Variants in OMA1 observed in about 807,000 individuals in gnomAD.
The protein encoded by OMA1 is OMA1 zinc metallopeptidase.
Under a neutral mutation model 30.9 loss-of-function variants are expected in OMA1, and 38 were observed. The ratio of observed to expected loss-of-function variants is 1.23; its 90% CI spans 0.95 to 1.61. The LOEUF (loss-of-function observed/expected upper bound fraction) is 1.61, where lower values mean the gene tolerates loss of function less well. OMA1 is among the 40% of genes most tolerant of loss of function. The probability of loss-of-function intolerance (pLI) is 0.00; values close to 1 mark genes in which losing one functional copy is unlikely to be tolerated. For missense variants in OMA1, 461 were observed against 349.2 expected, an observed-to-expected ratio of 1.32 and a Z score of -2.55; for synonymous variants, 173 against 121.9, an observed-to-expected ratio of 1.42 and a Z score of -2.76.
intron 8 of OMA1, among the ~76,000 whole-genome samples, chr1:58,504,922 T>C (rs1488478388): frequency 6.6e-6 from 1 of 152,182 alleles, no homozygotes; most frequent in Non-Finnish European, 1.5e-5. Context: ...TACTCCGTAT[T>C]TGTTGGGCTG....
chr1:58,482,497 G>A (rs1473886361), intron 8 of OMA1, among the ~76,000 whole-genome samples: 5 of 151,844 alleles, frequency 3.3e-5, no homozygotes, highest in African/African-American at 1.2e-4. Flanking sequence ...TTAATATTTA[G>A]GAGTTTTAAA....
At chr1:58,543,049 T>C (rs1243818493) in intron 1 of OMA1, among the ~76,000 whole-genome samples, 1 of 151,806 alleles carries the variant, frequency 6.6e-6, no homozygotes, top group Non-Finnish European at 1.5e-5. Context: ...AGACAGAAGA[T>C]AAGTGAGAGA....
In OMA1 at chr1:58,536,704, T is replaced by G. The variant is rs1225861694; in HGVS notation, c.538A>C (p.Lys180Gln). 1 of 872,644 alleles carries G rather than the reference T, an allele frequency of 1.1e-6. No homozygotes were observed. The highest frequency in any genetic ancestry group is 2.0e-6 in the Non-Finnish European group (1 of 501,576). 54.1% of individuals were successfully genotyped at this position (872,644 alleles called of 1,614,324 possible). A position where few individuals can be genotyped will look rare whatever the true frequency, so the allele number is the denominator to read the frequency against. Residue 180 changes from lysine (K) to glutamine (Q), a missense_variant, in exon 3 of 9, where the codon AAG (lysine) becomes CAG (glutamine). Coordinates refer to ENST00000371226, the MANE Select transcript of OMA1 (RefSeq NM_145243.5). The stretch of plus-strand genomic sequence containing the variant: ...ATATTTTCTTTAACTACTTCCTTCT[T>G]GTTAGGAGGAAGTGCCTGCCACCAT... ...RKWWQALPPN[K>Q]KEVVKENIRK...
chr1:58,493,866 C>A (rs1247950067), intron 8 of OMA1, among the ~76,000 whole-genome samples: 1 of 151,450 alleles, frequency 6.6e-6, no homozygotes, highest in African/African-American at 2.4e-5. Context: ...AGATTCAATG[C>A]CATCCCCATC....
intron 8 of OMA1, among the ~76,000 whole-genome samples, chr1:58,503,305 C>T (rs1645937117): frequency 1.3e-5 from 2 of 152,176 alleles, no homozygotes. Flanking sequence ...AAAGGACCCT[C>T]TTATAGTCAG....
At chr1:58,518,545 G>A (rs1048441709) in intron 7 of OMA1, among the ~76,000 whole-genome samples, 2 of 151,662 alleles carry the variant, frequency 1.3e-5, no homozygotes, top group Admixed American at 6.6e-5. Context: ...CTGGAGATGG[G>A]AACATACTGA....
At chr1:58,533,849 C>CT in intron 5 of OMA1, 104 bp downstream of exon 5, 1 of 738,060 alleles carries the variant, frequency 1.4e-6, no homozygotes, top group South Asian at 1.5e-5. Flanking sequence ...AACTAAAAGT[C>CT]TATCATTTTT....
intron 8 of OMA1, among the ~76,000 whole-genome samples, chr1:58,487,765 A>G (rs930540610): frequency 3.3e-5 from 5 of 152,164 alleles, no homozygotes; most frequent in African/African-American, 1.2e-4. Flanking sequence ...TCCTAGCTGC[A>G]TCCACTCTAG....
At chr1:58,504,627 A>G (rs1645957849) in intron 8 of OMA1, among the ~76,000 whole-genome samples, 1 of 152,180 alleles carries the variant, frequency 6.6e-6, no homozygotes, top group South Asian at 2.1e-4. Flanking sequence ...TTCCTTGCTC[A>G]TTCCCCAGCA....
intron 1 of OMA1, among the ~76,000 whole-genome samples, chr1:58,545,563 C>G (rs1460846281): frequency 6.6e-6 from 1 of 151,858 alleles, no homozygotes; most frequent in Non-Finnish European, 1.5e-5. Context: ...GGCAGGTCAA[C>G]AAACATAGCT....
intron 7 of OMA1, among the ~76,000 whole-genome samples, chr1:58,513,915 C>A (rs1281649092): frequency 2.0e-5 from 3 of 152,174 alleles, no homozygotes; most frequent in Non-Finnish European, 2.9e-5. Context: ...ATAATTTGAA[C>A]ACAAGTAGTC....
chr1:58,544,311 C>G (rs977196522), intron 1 of OMA1, among the ~76,000 whole-genome samples: 3 of 152,016 alleles, frequency 2.0e-5, no homozygotes, highest in Non-Finnish European at 4.4e-5. Flanking sequence ...AAATGCTAGG[C>G]ACCATAATGG....
intron 8 of OMA1, among the ~76,000 whole-genome samples, chr1:58,492,150 G>A (rs1397332292): frequency 6.6e-6 from 1 of 152,146 alleles, no homozygotes; most frequent in Non-Finnish European, 1.5e-5. Flanking sequence ...TGAACAACAT[G>A]CTCCTGAATG....
chr1:58,490,421 T>A (rs912196826), intron 8 of OMA1, among the ~76,000 whole-genome samples: 1 of 152,170 alleles, frequency 6.6e-6, no homozygotes, highest in South Asian at 2.1e-4. Flanking sequence ...GAACAAAGCC[T>A]CCAAGAAATA....
intron 8 of OMA1, among the ~76,000 whole-genome samples, chr1:58,496,496 T>C (rs186882964): frequency 6.6e-6 from 1 of 152,284 alleles, no homozygotes; most frequent in African/African-American, 2.4e-5. Flanking sequence ...ACTTGAGATT[T>C]GGTTTTGTTT....
chr1:58,485,591 T>C (rs995664561), intron 8 of OMA1, among the ~76,000 whole-genome samples: 6 of 152,120 alleles, frequency 3.9e-5, no homozygotes, highest in Non-Finnish European at 8.8e-5. Flanking sequence ...GATGTCTTGG[T>C]AACTTATTTT....
At chr1:58,482,957 A>C (rs1292897684) in intron 8 of OMA1, among the ~76,000 whole-genome samples, 1 of 152,174 alleles carries the variant, frequency 6.6e-6, no homozygotes, top group Non-Finnish European at 1.5e-5. Context: ...ATGAAAATGG[A>C]GGCCCAGATA....
At chr1:58,519,046 G>A (rs578107710) in intron 7 of OMA1, among the ~76,000 whole-genome samples, 4 of 152,162 alleles carry the variant, frequency 2.6e-5, no homozygotes, top group Admixed American at 6.5e-5. Context: ...CTTATTGCTC[G>A]CTTCTTTGGC....
chr1:58,520,533 C>A, intron 7 of OMA1, among the ~76,000 whole-genome samples: 1 of 151,932 alleles, frequency 6.6e-6, no homozygotes, highest in East Asian at 1.9e-4. Context: ...TAACTTTTCC[C>A]CAAAAAAGGG....
Sources: allele counts gnomAD v4.1 joint callset (sites outside exome capture counted in the v4.1 genomes callset), GRCh38; gene constraint gnomAD v4.1.1; transcripts MANE v1.5; gene names NCBI Gene and HGNC (gene_info 2026-07-23, HGNC 2026-07-21).